The following TMC1 variants were observed in gnomAD, a reference collection of about 807,000 sequenced individuals.
TMC1 encodes the protein transmembrane channel-like protein 1.
TMC1 carries 84 observed loss-of-function variants against 105.8 expected under a neutral mutation model. The observed-to-expected ratio is 0.79, with a 90% CI of 0.67 to 0.95. The LOEUF is 0.95. Among genes scored for constraint, TMC1 ranks in the 40% least tolerant of loss-of-function variants. TMC1 has a pLI of 0.00. For missense variants in TMC1, 817 were observed against 914.1 expected, an observed-to-expected ratio of 0.89 and a Z score of 1.37; for synonymous variants, 315 against 311.5, an observed-to-expected ratio of 1.01 and a Z score of -0.12.
At chr9:72,775,924 A>G (rs763826670) in intron 13 of TMC1, among the ~76,000 whole-genome samples, 40 of 152,140 alleles carry the variant, frequency 2.6e-4, no homozygotes, top group Non-Finnish European at 5.6e-4. Flanking sequence ...AGCTAATAGA[A>G]TAAGAACTCA....
chr9:72,700,262 A>G (rs917446102), intron 7 of TMC1, among the ~76,000 whole-genome samples: 4 of 151,698 alleles, frequency 2.6e-5, no homozygotes, highest in African/African-American at 9.7e-5. Flanking sequence ...AAAAAAAAAA[A>G]AAGAAAAGAA....
rs561966765 is a variant in TMC1 at position 72,588,552 on chromosome 9, G to A, written c.-306+10529G>A. ...TGGCTGTTTGGCTCCCTTACAGTAT[G>A]GTGGCTGGGTTCCAAGGCAGAAAGT... On this transcript the variant is annotated intron_variant, in intron 2 of 23. Transcript: ENST00000297784. 2.8e-3 allele frequency among the ~76,000 whole-genome samples: 430 copies of A among 152,262 alleles called. 1 individual carries two copies. Among genetic ancestry groups the A allele is most frequent in the African/African-American group, 0.01 (417 of 41,552 alleles).
At chr9:72,628,149 A>C (rs1825383465) in intron 4 of TMC1, 86 bp downstream of exon 4, 1 of 453,030 alleles carries the variant, frequency 2.2e-6, no homozygotes, top group Non-Finnish European at 4.4e-6. Flanking sequence ...ATCACGCAGG[A>C]TTGTATGGAA....
intron 5 of TMC1, among the ~76,000 whole-genome samples, chr9:72,661,014 T>C (rs1389880403): frequency 6.6e-6 from 1 of 152,062 alleles, no homozygotes; most frequent in African/African-American, 2.4e-5. Context: ...TAGCCATGCA[T>C]GGTGGCACGC....
Position 72,836,223 on chromosome 9 carries a change from T to A in TMC1, c.*250T>A. 1 of 514,924 alleles carries A rather than the reference T, an allele frequency of 1.9e-6. No individual in the cohort carries two copies. Among genetic ancestry groups the A allele is most frequent in the Non-Finnish European group, 3.5e-6 (1 of 287,982 alleles). The allele number at this position is 514,924 out of a possible 1,614,324, so 31.9% of individuals were successfully genotyped here. On this transcript the variant is annotated 3_prime_UTR_variant, in exon 24 of 24. Coordinates refer to ENST00000297784, the MANE Select transcript of TMC1 (RefSeq NM_138691.3). ...TCTCCCCTGCTCCATTTCGTGACTT[T>A]TTTTTTTTTTTTAACAAATTGAGTT...
chr9:72,824,362 T>C (rs545701801), intron 20 of TMC1, among the ~76,000 whole-genome samples: 2 of 152,368 alleles, frequency 1.3e-5, no homozygotes, highest in East Asian at 1.9e-4. Flanking sequence ...AAAGGGCCAG[T>C]GTGACAGTCT....
intron 1 of TMC1, among the ~76,000 whole-genome samples, chr9:72,523,179 A>T (rs1823344496): frequency 6.6e-6 from 1 of 152,112 alleles, no homozygotes; most frequent in South Asian, 2.1e-4. Context: ...GGATGCAGGG[A>T]GGAGGAAAAA....
chr9:72,721,251 A>T (rs565819560), intron 8 of TMC1, among the ~76,000 whole-genome samples: 1 of 152,294 alleles, frequency 6.6e-6, no homozygotes, highest in East Asian at 1.9e-4. Flanking sequence ...TTCCTGCCTA[A>T]AGACAAGATG....
rs12002855 is a variant in TMC1, at chr9:72,820,674, T to C, written c.1764-168T>C. ...GAAAGTGGCAAAATGTGTTTAGAAG[T>C]TGGAAATAGATAAGTGCAGTTTCTT... is the stretch of plus-strand genomic sequence containing the variant. On this transcript the variant is annotated intron_variant, in intron 19 of 23. Transcript: ENST00000297784. Among the ~76,000 whole-genome samples the C allele has an allele frequency of 0.094, 14,272 of 152,234 alleles. 737 individuals are homozygous for C. Among genetic ancestry groups the C allele is most frequent in the Non-Finnish European group, 0.13 (8,691 of 68,008 alleles).
At chr9:72,711,229 C>T (rs1441599093) in intron 8 of TMC1, among the ~76,000 whole-genome samples, 7 of 152,194 alleles carry the variant, frequency 4.6e-5, no homozygotes, top group Admixed American at 6.5e-5. Context: ...AGTAAACATA[C>T]GTGTGCATGT....
intron 12 of TMC1, among the ~76,000 whole-genome samples, chr9:72,771,168 G>C (rs949576476): frequency 6.6e-6 from 1 of 152,122 alleles, no homozygotes; most frequent in Non-Finnish European, 1.5e-5. Context: ...GATTCATTCC[G>C]TGCAGTCCCG....
intron 2 of TMC1, among the ~76,000 whole-genome samples, chr9:72,603,883 T>TA (rs1824866596): frequency 7.2e-6 from 1 of 138,730 alleles, no homozygotes; most frequent in Non-Finnish European, 1.5e-5. Flanking sequence ...TTTTCTTTTT[T>TA]GAGACGGAAT....
At chr9:72,590,065 C>G (rs1225926984) in intron 2 of TMC1, among the ~76,000 whole-genome samples, 1 of 152,182 alleles carries the variant, frequency 6.6e-6, no homozygotes, top group Admixed American at 6.5e-5. Flanking sequence ...TGTCCCCAGG[C>G]CTGCACCATT....
intron 4 of TMC1, among the ~76,000 whole-genome samples, chr9:72,634,889 G>A (rs536644012): frequency 6.6e-6 from 1 of 152,356 alleles, no homozygotes; most frequent in South Asian, 2.1e-4. Flanking sequence ...GAAGGAGCAT[G>A]AAGCTTCCGT....
chr9:72,563,291 C>G (rs1414721017), intron 1 of TMC1, among the ~76,000 whole-genome samples: 1 of 152,034 alleles, frequency 6.6e-6, no homozygotes. Context: ...CAATAGGGAG[C>G]CCCAGAAATT....
intron 13 of TMC1, among the ~76,000 whole-genome samples, chr9:72,772,921 C>G (rs2118128806): frequency 6.6e-6 from 1 of 152,272 alleles, no homozygotes; most frequent in East Asian, 1.9e-4. Flanking sequence ...TTGTAACTTG[C>G]AGAATCAGCT....
chr9:72,584,932 G>A (rs1410960319), intron 2 of TMC1, among the ~76,000 whole-genome samples: 1 of 149,286 alleles, frequency 6.7e-6, no homozygotes, highest in East Asian at 2.0e-4. Context: ...TTACAGGCGT[G>A]CACTACCACG....
At chr9:72,548,205 C>T in intron 1 of TMC1, among the ~76,000 whole-genome samples, 1 of 152,104 alleles carries the variant, frequency 6.6e-6, no homozygotes, top group East Asian at 1.9e-4. Flanking sequence ...AATTAACTTA[C>T]ATGTAGAATA....
intron 17 of TMC1, among the ~76,000 whole-genome samples, chr9:72,799,472 A>G (rs541460690): frequency 6.6e-6 from 1 of 152,284 alleles, no homozygotes; most frequent in East Asian, 1.9e-4. Flanking sequence ...AAAGAAAAAA[A>G]TAAGATAAAT....
Sources: allele counts gnomAD v4.1 joint callset (sites outside exome capture counted in the v4.1 genomes callset), GRCh38; gene constraint gnomAD v4.1.1; transcripts MANE v1.5; gene names NCBI Gene and HGNC (gene_info 2026-07-23, HGNC 2026-07-21).